Variants in PPP1R37 observed in about 807,000 individuals in gnomAD.
The protein encoded by PPP1R37 is protein phosphatase 1 regulatory subunit 37.
In PPP1R37, 21 loss-of-function variants were observed where a neutral mutation model predicts 61.0. The observed-to-expected ratio is 0.34, with a 90% CI of 0.24 to 0.50. The LOEUF is 0.50. PPP1R37 is among the 20% of genes least tolerant of loss of function. The pLI, the probability that PPP1R37 is intolerant of heterozygous loss-of-function variation, is 0.98. For missense variants in PPP1R37, 910 were observed against 952.7 expected (o/e 0.96, Z 0.59); for synonymous variants, 443 against 433.5 (o/e 1.02, Z -0.27).
intron 11 of PPP1R37, 112 bp from the exon 12 acceptor site, chr19:45,146,278 A>G (rs891936315): frequency 1.9e-6 from 2 of 1,038,498 alleles, no homozygotes; most frequent in South Asian, 1.6e-5. Flanking sequence ...TGACCATCTC[A>G]GCGGTCTCTG....
intron 1 of PPP1R37, chr19:45,128,936 T>C: frequency 1.4e-6 from 1 of 738,734 alleles, no homozygotes; most frequent in South Asian, 1.3e-5. Context: ...GGCAAGGAGA[T>C]GAGCAAAAGT....
chr19:45,128,892 G>A (rs1599704807), intron 1 of PPP1R37: 20 of 671,464 alleles, frequency 3.0e-5, no homozygotes, highest in South Asian at 2.0e-4. Flanking sequence ...AGGGAGGTGC[G>A]AGAGGACCTT....
chr19:45,129,751 C>T (rs879864551), intron 1 of PPP1R37, among the ~76,000 whole-genome samples: 8 of 152,196 alleles, frequency 5.3e-5, no homozygotes, highest in Admixed American at 1.3e-4. Context: ...AGCCCCCTGC[C>T]GTACCTGTGC....
intron 1 of PPP1R37, among the ~76,000 whole-genome samples, chr19:45,108,421 T>C (rs1382886906): frequency 6.6e-6 from 1 of 151,458 alleles, no homozygotes; most frequent in East Asian, 2.0e-4. Flanking sequence ...TTGGCCAGGC[T>C]GGTCTCAAAC....
Position 45,145,723 on chromosome 19 carries a change from G to C in PPP1R37, c.1667G>C (p.Arg556Pro). The change falls in exon 11 of 13, where the codon CGG becomes CCG. Residue 556 changes from arginine (R) to proline (P), a missense_variant. Arg to Pro is a moderately radical substitution (Grantham distance 103). Around this residue, in one of 3 missense-constraint regions of PPP1R37, gnomAD observed 549 missense variants for 505.1 expected, o/e 1.09. Coordinates refer to ENST00000221462, the MANE Select transcript of PPP1R37 (RefSeq NM_019121.2). ...AGCCCCTCCACACCCACCGAGCAGC[G>C]GATTTCCGTGTCCAGCCCGGGCCGG... ...PGSPSTPTEQ[R>P]ISVSSPGRGH... 6.5e-7 allele frequency: 1 copy of C among 1,533,720 alleles called. No individual in the cohort carries two copies.
intron 1 of PPP1R37, among the ~76,000 whole-genome samples, chr19:45,116,395 G>T (rs1008988143): frequency 2.0e-5 from 3 of 152,322 alleles, no homozygotes; most frequent in African/African-American, 7.2e-5. Context: ...AGCCTAGCCC[G>T]CCCCCTGGAG....
At chr19:45,127,385 G>T (rs982500152) in intron 1 of PPP1R37, among the ~76,000 whole-genome samples, 2 of 150,768 alleles carry the variant, frequency 1.3e-5, no homozygotes, top group African/African-American at 2.5e-5. Context: ...AACCCTAGGT[G>T]GCATGCCTAC....
intron 1 of PPP1R37, among the ~76,000 whole-genome samples, chr19:45,108,185 GTCTC>G (rs991214820): frequency 6.6e-6 from 1 of 152,012 alleles, no homozygotes; most frequent in Non-Finnish European, 1.5e-5. Context: ...CTGAGAGAGG[GTCTC>G]TCTCTTTTTT....
rs1297581592 is a variant in PPP1R37, at chr19:45,145,456, C to T, written c.1400C>T (p.Pro467Leu). 3.9e-6 allele frequency: 6 copies of T among 1,535,150 alleles called. No individual in the cohort carries two copies. Among genetic ancestry groups the T allele is most frequent in the East Asian group, 2.4e-5 (1 of 40,904 alleles). The change falls in exon 11 of 13, where the codon CCG becomes CTG. Residue 467 changes from proline to leucine, a missense_variant. This residue lies in a region of PPP1R37 where 549 missense variants were observed against 505.1 expected (regional missense o/e 1.09). Coordinates refer to ENST00000221462, the MANE Select transcript of PPP1R37 (RefSeq NM_019121.2). The stretch of plus-strand genomic sequence containing the variant: ...CGGGAGAGGGAGGAGAAGGAGCAGC[C>T]GCCACAGCTGTCGGCCTCCATGCCT... ...LAREREEKEQ[P>L]PQLSASMPET...
At chr19:45,095,032 G>A (rs917403117) in intron 1 of PPP1R37, among the ~76,000 whole-genome samples, 6 of 152,296 alleles carry the variant, frequency 3.9e-5, no homozygotes, top group Admixed American at 6.5e-5. Flanking sequence ...TGTGGTGGCC[G>A]TGGTTCTGTA....
Position 45,130,988 on chromosome 19 carries a change from G to A in PPP1R37, c.203-7526G>A, listed in dbSNP as rs1164770264. Among the ~76,000 whole-genome samples the A allele has an allele frequency of 6.6e-6, 1 of 152,074 alleles. No homozygotes were observed. Among genetic ancestry groups the A allele is most frequent in the Non-Finnish European group, 1.5e-5 (1 of 68,010 alleles). ...GACTCCCACTTGGATGACTGTGTCT[G>A]TTTCCCCCGCCCTGCTCCAGGCTGG... On this transcript the variant is annotated intron_variant, in intron 1 of 12. Transcript: ENST00000221462. The surrounding 1 kb of genome is among the most constrained non-coding windows in gnomAD (Gnocchi z 4.4).
At chr19:45,135,765 C>T (rs767648122) in intron 1 of PPP1R37, among the ~76,000 whole-genome samples, 17 of 150,676 alleles carry the variant, frequency 1.1e-4, no homozygotes, top group Non-Finnish European at 2.4e-4. Context: ...ATAGTTCCTC[C>T]AATTTTGCAT....
Position 45,093,525 on chromosome 19 carries a change from A to G in PPP1R37, c.200A>G (p.His67Arg). Residue 67 changes from histidine (H) to arginine (R), a missense_variant and splice_region_variant, in exon 1 of 13, where the codon CAT becomes CGT. By Grantham distance (29) the His-to-Arg change is conservative (BLOSUM62 0). This residue lies in a region of PPP1R37 where 280 missense variants were observed against 382.2 expected (regional missense o/e 0.73). Transcript: ENST00000221462. ...GTGGAGCCCAAAGACCCCTGGAGACATGGTAGCTACCGCGGGTGAAGCGGG... is the reference window on the plus strand; with the variant it reads ...GTGGAGCCCAAAGACCCCTGGAGACGTGGTAGCTACCGCGGGTGAAGCGGG... Reference protein sequence around the residue: ...GAVEPKDPWRHAQNVTVDEVI... With the variant: ...GAVEPKDPWRRAQNVTVDEVI... 6.5e-7 allele frequency: 1 copy of G among 1,533,196 alleles called. No individual in the cohort carries two copies. The highest frequency in any genetic ancestry group is 8.7e-7 in the Non-Finnish European group (1 of 1,145,136). 95.0% of individuals were successfully genotyped at this position (1,533,196 alleles called of 1,614,324 possible). A position where few individuals can be genotyped will look rare whatever the true frequency, so the allele number is the denominator to read the frequency against.
At chr19:45,107,632 C>A (rs1479525451) in intron 1 of PPP1R37, among the ~76,000 whole-genome samples, 2 of 152,036 alleles carry the variant, frequency 1.3e-5, no homozygotes, top group Non-Finnish European at 2.9e-5. Context: ...AATTGTTTGT[C>A]CCTTCATTAT....
intron 2 of PPP1R37, 106 bp from the exon 3 acceptor site, chr19:45,140,130 C>A (rs2057948493): frequency 9.8e-7 from 1 of 1,015,432 alleles, no homozygotes. Context: ...TTCGCCCAAA[C>A]CCCACCCCAG....
Position 45,144,948 on chromosome 19 carries a change from G to A in PPP1R37, c.1082G>A (p.Arg361His). ...CTCAAGAACGGGCTCATCAGCAACC[G>A]CAGCGTGCTGCGCCTCGGGCTGGCC... ...RHLKNGLISNRSVLRLGLAST... is the reference protein window; with the variant it reads ...RHLKNGLISNHSVLRLGLAST... Residue 361 changes from arginine (R) to histidine (H), a missense_variant, in exon 9 of 13, where the codon CGC (arginine) becomes CAC (histidine). By Grantham distance (29) the Arg-to-His change is conservative. Coordinates refer to ENST00000221462, the MANE Select transcript of PPP1R37 (RefSeq NM_019121.2). 6.5e-7 allele frequency: 1 copy of A among 1,535,670 alleles called. No individual in the cohort carries two copies. Among genetic ancestry groups the A allele is most frequent in the Non-Finnish European group, 8.7e-7 (1 of 1,146,682 alleles).
At chr19:45,123,735 G>A (rs1968368837) in intron 1 of PPP1R37, among the ~76,000 whole-genome samples, 1 of 152,252 alleles carries the variant, frequency 6.6e-6, no homozygotes, top group African/African-American at 2.4e-5. Flanking sequence ...GCACCATTCT[G>A]TGCAGGGAAT....
At chr19:45,127,098 C>G (rs1365755398) in intron 1 of PPP1R37, among the ~76,000 whole-genome samples, 4 of 152,126 alleles carry the variant, frequency 2.6e-5, no homozygotes. Flanking sequence ...ACCTGTAATC[C>G]CAGCACTGTG....
rs1240188474 is a variant in PPP1R37 at position 45,145,547 on chromosome 19, C to T, written c.1491C>T (p.Pro497=). The T allele has an allele frequency of 6.5e-7, 1 of 1,534,686 alleles. No individual in the cohort carries two copies. Among genetic ancestry groups the T allele is most frequent in the Non-Finnish European group, 8.7e-7 (1 of 1,146,376 alleles). The change falls in exon 11 of 13, where the codon CCC becomes CCT. Residue 497 remains proline, a synonymous_variant. Coordinates refer to ENST00000221462, the MANE Select transcript of PPP1R37 (RefSeq NM_019121.2). ...CCGCTGGGGTGCAGAACGGGGCCCC[C>T]AGCCCCGCACCCAGCCCGGACTCAG... is the stretch of plus-strand genomic sequence containing the variant. ...EPAAGVQNGA[P]SPAPSPDSDS...
Sources: gnomAD v4.1 joint callset for allele counts (sites outside exome capture counted in the v4.1 genomes callset) on GRCh38, gnomAD v4.1.1 for gene constraint, gnomAD v4.1.1 regional missense constraint, Gnocchi (gnomAD v3.1) non-coding constraint, MANE v1.5 for transcripts, NCBI Gene and HGNC (gene_info 2026-07-23, HGNC 2026-07-21) for gene names.